The following CNTNAP2 variants were observed in gnomAD, a reference collection of about 807,000 sequenced individuals.
CNTNAP2 encodes the protein contactin associated protein 2.
A neutral mutation model predicts 155.2 loss-of-function variants in CNTNAP2; 98 were observed. That is an observed-to-expected ratio of 0.63 (90% CI 0.54 to 0.75). CNTNAP2 has a LOEUF of 0.75. CNTNAP2 is among the 30% of genes least tolerant of loss of function. CNTNAP2 has a pLI of 0.00. For synonymous variants in CNTNAP2, 651 were observed against 631.2 expected, an observed-to-expected ratio of 1.03 and a Z score of -0.47; for missense variants, 1,727 against 1,688.1, an observed-to-expected ratio of 1.02 and a Z score of -0.40.
At chr7:147,286,756 A>G (rs1208262726) in intron 8 of CNTNAP2, among the ~76,000 whole-genome samples, 1 of 151,918 alleles carries the variant, frequency 6.6e-6, no homozygotes, top group Non-Finnish European at 1.5e-5. Flanking sequence ...TAGCTAAACT[A>G]CTCGAGGGTC....
At chr7:146,228,424 C>A (rs1276681530) in intron 1 of CNTNAP2, among the ~76,000 whole-genome samples, 1 of 152,138 alleles carries the variant, frequency 6.6e-6, no homozygotes, top group Non-Finnish European at 1.5e-5. Flanking sequence ...AGTATAAATT[C>A]TGTAGAGTTG....
chr7:148,127,018 T>C (rs1279086936), intron 16 of CNTNAP2, among the ~76,000 whole-genome samples: 8 of 152,100 alleles, frequency 5.3e-5, no homozygotes, highest in Admixed American at 5.2e-4. Context: ...TTAAAAGAGA[T>C]TTTAGTCTGG....
chr7:147,610,543 C>T (rs1801163699), intron 12 of CNTNAP2, among the ~76,000 whole-genome samples: 1 of 152,108 alleles, frequency 6.6e-6, no homozygotes, highest in Non-Finnish European at 1.5e-5. Flanking sequence ...TCTTAGTTCC[C>T]TCAAAGGTAA....
At chr7:146,363,328 A>G (rs1018429528) in intron 1 of CNTNAP2, among the ~76,000 whole-genome samples, 15 of 152,146 alleles carry the variant, frequency 9.9e-5, no homozygotes, top group African/African-American at 3.4e-4. Context: ...TCTATCGTCT[A>G]TCTAACTTCT....
chr7:148,313,565 A>T (rs1797634499), intron 21 of CNTNAP2, among the ~76,000 whole-genome samples: 1 of 152,106 alleles, frequency 6.6e-6, no homozygotes, highest in Admixed American at 6.5e-5. Flanking sequence ...GCTGCAGTTC[A>T]GGCGTTTGGA....
At chr7:148,239,633 A>G (rs894765649) in intron 20 of CNTNAP2, among the ~76,000 whole-genome samples, 5 of 152,278 alleles carry the variant, frequency 3.3e-5, no homozygotes, top group Middle Eastern at 3.4e-3. Context: ...GCACGTTTTC[A>G]TTATTTGGTT....
intron 1 of CNTNAP2, among the ~76,000 whole-genome samples, chr7:146,579,697 A>C (rs80215663): frequency 0.012 from 1,757 of 152,262 alleles, 13 homozygotes; most frequent in East Asian, 0.037. Context: ...TACCCTAGGC[A>C]CAAGCTGTTT....
chr7:147,882,064 TG>T (rs1265800014), intron 13 of CNTNAP2, among the ~76,000 whole-genome samples: 1 of 151,462 alleles, frequency 6.6e-6, no homozygotes, highest in Admixed American at 6.6e-5. Flanking sequence ...GTGTGAATAA[TG>T]TTGTTACAAT....
chr7:146,553,107 C>T (rs802018), intron 1 of CNTNAP2, among the ~76,000 whole-genome samples: 4,594 of 152,162 alleles, frequency 0.03, 252 homozygotes, highest in African/African-American at 0.1. Flanking sequence ...TTAGTCTCTT[C>T]TGTTCACTGT....
intron 15 of CNTNAP2, among the ~76,000 whole-genome samples, chr7:147,982,173 A>G (rs1023456868): frequency 6.6e-6 from 1 of 152,226 alleles, no homozygotes; most frequent in Non-Finnish European, 1.5e-5. Context: ...AATTAATTGT[A>G]GGAATATAGT....
At chr7:147,789,331 A>C (rs554111750) in intron 13 of CNTNAP2, among the ~76,000 whole-genome samples, 2 of 152,250 alleles carry the variant, frequency 1.3e-5, no homozygotes, top group South Asian at 4.1e-4. Context: ...CACTGCAGTC[A>C]CTTCTTGGCT....
chr7:148,094,672 G>A (rs1038015439), intron 15 of CNTNAP2, among the ~76,000 whole-genome samples: 1 of 152,202 alleles, frequency 6.6e-6, no homozygotes, highest in African/African-American at 2.4e-5. Flanking sequence ...TTCTGGCTTA[G>A]AAGAGACCCT....
In CNTNAP2 at chr7:148,307,153, T is replaced by C. The variant is rs567917875; in HGVS notation, c.3475+40027T>C. Among the ~76,000 whole-genome samples, 527 of 152,228 alleles carry C rather than the reference T, an allele frequency of 3.5e-3. 11 individuals carry two copies. Among genetic ancestry groups the C allele is most frequent in the Non-Finnish European group, 4.4e-4 (30 of 68,016 alleles). On this transcript the variant is annotated intron_variant, in intron 21 of 23. Transcript: ENST00000361727. ...TGTAAATGTTGACTGAAGATCCCTG[T>C]TTTCAGTACAGAGCCCCTGCCGTCC...
intron 1 of CNTNAP2, among the ~76,000 whole-genome samples, chr7:146,326,346 G>A (rs1216049220): frequency 1.3e-5 from 2 of 152,110 alleles, no homozygotes; most frequent in Admixed American, 6.5e-5. Context: ...TCTTCAAAAC[G>A]AATTAATGCA....
At chr7:147,357,101 A>C (rs1381433569) in intron 9 of CNTNAP2, among the ~76,000 whole-genome samples, 1 of 151,894 alleles carries the variant, frequency 6.6e-6, no homozygotes, top group Non-Finnish European at 1.5e-5. Context: ...TATGTGGATG[A>C]CCTCAGCGAA....
chr7:148,238,108 C>A (rs538097382), intron 20 of CNTNAP2, among the ~76,000 whole-genome samples: 1 of 152,080 alleles, frequency 6.6e-6, no homozygotes, highest in African/African-American at 2.4e-5. Flanking sequence ...CCCAGCACTT[C>A]GGGAGGCCGA....
chr7:146,136,429 G>C (rs181138022), intron 1 of CNTNAP2, among the ~76,000 whole-genome samples: 1 of 152,272 alleles, frequency 6.6e-6, no homozygotes, highest in African/African-American at 2.4e-5. Flanking sequence ...TATATCTTAA[G>C]TTATCTTCCA....
chr7:146,763,035 T>C (rs1802130779), intron 1 of CNTNAP2, among the ~76,000 whole-genome samples: 1 of 152,042 alleles, frequency 6.6e-6, no homozygotes, highest in African/African-American at 2.4e-5. Flanking sequence ...TTATGGGAGC[T>C]ACAATTCAGA....
intron 18 of CNTNAP2, among the ~76,000 whole-genome samples, chr7:148,203,448 C>G (rs930290706): frequency 6.6e-6 from 1 of 152,102 alleles, no homozygotes; most frequent in African/African-American, 2.4e-5. Context: ...TGTATTTCAT[C>G]GAGAAATGAA....
Sources: allele counts gnomAD v4.1 joint callset (sites outside exome capture counted in the v4.1 genomes callset), GRCh38; gene constraint gnomAD v4.1.1; transcripts MANE v1.5; gene names NCBI Gene and HGNC (gene_info 2026-07-23, HGNC 2026-07-21).